The following UNC80 variants were observed in gnomAD, a reference collection of about 807,000 sequenced individuals.
UNC80 encodes unc-80 subunit of NALCN channel complex, also known as protein unc-80 homolog.
In UNC80, 164 loss-of-function variants were observed where a neutral mutation model predicts 384.6. The observed-to-expected ratio is 0.43, with a 90% confidence interval of 0.38 to 0.49. The LOEUF is 0.49. Among genes scored for constraint, UNC80 ranks in the 20% least tolerant of loss-of-function variants. UNC80 has a pLI of 0.00. For missense variants in UNC80, 3,330 were observed against 4,143.0 expected (o/e 0.80, Z 5.39); for synonymous variants, 1,486 against 1,527.8 (o/e 0.97, Z 0.64).
Position 209,777,359 on chromosome 2 carries a change from G to T in UNC80, c.400G>T (p.Gly134Cys), listed in dbSNP as rs764575721. ...GGACTGCAACAATGAGCGGTTTGGG[G>T]GTACAGACCGAGGCTCCAGCTGGGG... ...PQDCNNERFG[G>C]TDRGSSWGGS... The change falls in exon 4 of 65, where the codon GGT becomes TGT. Residue 134 changes from glycine to cysteine, a missense_variant. Gly to Cys is a radical substitution (Grantham distance 159). Around this residue, in one of 8 missense-constraint regions of UNC80, gnomAD observed 937 missense variants for 1,026.8 expected, o/e 0.91. Coordinates refer to ENST00000673920, the MANE Select transcript of UNC80 (RefSeq NM_001371986.1). The T allele has an allele frequency of 1.2e-6, 2 of 1,614,178 alleles. No homozygotes were observed. Among genetic ancestry groups the T allele is most frequent in the East Asian group, 4.5e-5 (2 of 44,870 alleles).
At chr2:209,926,141 A>T (rs1327769000) in intron 35 of UNC80, among the ~76,000 whole-genome samples, 1 of 152,200 alleles carries the variant, frequency 6.6e-6, no homozygotes, top group African/African-American at 2.4e-5. Context: ...TCCTAAATGC[A>T]TGTGTGTTTT....
At chr2:209,994,831 C>G (rs2093456425) in intron 64 of UNC80, among the ~76,000 whole-genome samples, 1 of 152,154 alleles carries the variant, frequency 6.6e-6, no homozygotes, top group Non-Finnish European at 1.5e-5. Context: ...GATAAAGCCT[C>G]TAAATATAGA....
Position 209,786,209 on chromosome 2 carries a change from A to G in UNC80, c.724+20A>G, listed in dbSNP as rs772810441. 7.4e-6 allele frequency: 12 copies of G among 1,611,662 alleles called. No individual in the cohort carries two copies. Among genetic ancestry groups the G allele is most frequent in the Non-Finnish European group, 9.3e-6 (11 of 1,178,728 alleles). ...TTACAGGTTTGTAACTTGGACACTC[A>G]GTAGGACAGTATTAGCAGATTCCCT... On this transcript the variant is annotated intron_variant, in intron 5 of 64. Coordinates refer to ENST00000673920, the MANE Select transcript of UNC80 (RefSeq NM_001371986.1).
intron 21 of UNC80, chr2:209,845,069 C>G (rs12386218): frequency 0.19 from 28,351 of 148,830 alleles, 3,718 homozygotes; most frequent in African/African-American, 0.37. Flanking sequence ...ACTTGTGATG[C>G]GATTTTAATG....
At chr2:209,809,429 G>A in intron 7 of UNC80, 11 of 1,459,854 alleles carry the variant, frequency 7.5e-6, no homozygotes, top group South Asian at 3.4e-5. Context: ...CACTGCAGCC[G>A]TGCCTTCGCC....
chr2:209,808,817 T>G, intron 7 of UNC80: 2 of 350,308 alleles, frequency 5.7e-6, no homozygotes, highest in East Asian at 9.7e-5. Flanking sequence ...CCGCGCTCTT[T>G]CCTCGTCAGG....
intron 47 of UNC80, among the ~76,000 whole-genome samples, chr2:209,952,424 A>C (rs538422493): frequency 6.6e-6 from 1 of 152,292 alleles, no homozygotes; most frequent in South Asian, 2.1e-4. Flanking sequence ...TATTTATTTC[A>C]CACTGCTAGG....
At chr2:209,902,699 A>G (rs2087550700) in intron 28 of UNC80, among the ~76,000 whole-genome samples, 1 of 152,192 alleles carries the variant, frequency 6.6e-6, no homozygotes, top group South Asian at 2.1e-4. Flanking sequence ...TATTTTAGCA[A>G]TAAAGCATTT....
chr2:209,961,835 A>G (rs568600665), intron 51 of UNC80, among the ~76,000 whole-genome samples: 20 of 152,348 alleles, frequency 1.3e-4, no homozygotes, highest in African/African-American at 4.8e-4. Flanking sequence ...AAGGCAGATC[A>G]TAATCAAAAA....
chr2:209,867,267 T>G (rs1372215617), intron 22 of UNC80, among the ~76,000 whole-genome samples: 1 of 152,200 alleles, frequency 6.6e-6, no homozygotes, highest in Non-Finnish European at 1.5e-5. Flanking sequence ...ATTTATTTTA[T>G]CCATCTTCCT....
chr2:209,980,311 ATTTTG>A (rs1279986519), intron 59 of UNC80, among the ~76,000 whole-genome samples: 2 of 152,204 alleles, frequency 1.3e-5, no homozygotes, highest in Non-Finnish European at 2.9e-5. Flanking sequence ...AGCTAAATAT[ATTTTG>A]CAGGTAACCT....
intron 58 of UNC80, 62 bp from the exon 59 acceptor site, chr2:209,978,467 A>G: frequency 1.5e-6 from 2 of 1,377,952 alleles, no homozygotes; most frequent in Non-Finnish European, 2.0e-6. Context: ...GTCAGGGAGG[A>G]CTTTGAAGTG....
In UNC80 at chr2:209,793,839, A is replaced by G; in HGVS notation, c.918A>G (p.Glu306=). The G allele has an allele frequency of 6.2e-7, 1 of 1,614,192 alleles. No homozygotes were observed. The highest frequency in any genetic ancestry group is 1.1e-5 in the South Asian group (1 of 91,082). ...DGSLSSQTSQ[E]RGPSHSRASL... is the part of the protein sequence containing the mutation. Reference sequence around the variant, plus strand: ...GTCTGTCCTCCCAAACTTCCCAGGAAAGAGGCCCATCACATTCCAGGTACC... The same window carrying G: ...GTCTGTCCTCCCAAACTTCCCAGGAGAGAGGCCCATCACATTCCAGGTACC... The change falls in exon 7 of 65, where the codon GAA becomes GAG. Residue 306 remains glutamate, a synonymous_variant. Transcript: ENST00000673920.
At chr2:209,786,900 A>AGTCTT (rs1461125794) in intron 5 of UNC80, among the ~76,000 whole-genome samples, 1 of 150,966 alleles carries the variant, frequency 6.6e-6, no homozygotes, top group Non-Finnish European at 1.5e-5. Context: ...AATAAATTCT[A>AGTCTT]GTCTTCTATT....
Position 209,818,041 on chromosome 2 carries a change from C to T in UNC80, c.1693+89C>T, listed in dbSNP as rs1397642371. 16 of 1,446,802 alleles carry T rather than the reference C, an allele frequency of 1.1e-5. No individual in the cohort carries two copies. In the East Asian group the frequency reaches 1.2e-4, roughly 11 times the overall value. 89.6% of individuals were successfully genotyped at this position (1,446,802 alleles called of 1,614,324 possible). On this transcript the variant is annotated intron_variant, in intron 11 of 64. Coordinates refer to ENST00000673920, the MANE Select transcript of UNC80 (RefSeq NM_001371986.1). Reference sequence around the variant, plus strand: ...ACCATGTTACTTTCCCATTGTAATCCGCTTCCTGTGTTTTCTGAAAACTGG... The same window carrying T: ...ACCATGTTACTTTCCCATTGTAATCTGCTTCCTGTGTTTTCTGAAAACTGG...
At chr2:209,809,166 C>T in intron 7 of UNC80, 1 of 626,962 alleles carries the variant, frequency 1.6e-6, no homozygotes, top group South Asian at 1.8e-5. Context: ...AGGCCGATAC[C>T]ACCTTCCCAG....
At chr2:209,934,315 G>A (rs2091094092) in intron 39 of UNC80, among the ~76,000 whole-genome samples, 1 of 152,166 alleles carries the variant, frequency 6.6e-6, no homozygotes, top group Non-Finnish European at 1.5e-5. Flanking sequence ...AAGCTTGTTT[G>A]AGTGAATTTT....
chr2:209,872,647 A>T lies in UNC80; in HGVS notation c.3628-111A>T, dbSNP rs2084398648. On this transcript the variant is annotated intron_variant, in intron 22 of 64. Coordinates refer to ENST00000673920, the MANE Select transcript of UNC80 (RefSeq NM_001371986.1). The surrounding 1 kb of genome is among the most constrained non-coding windows in gnomAD (Gnocchi z 4.1). ...CTGGGAAATATGGCCAATATAAATCAAAACATGAAGAGGAAAATAAACTAA... is the reference window on the plus strand; with the variant it reads ...CTGGGAAATATGGCCAATATAAATCTAAACATGAAGAGGAAAATAAACTAA... 9.4e-7 allele frequency: 1 copy of T among 1,061,278 alleles called. No individual in the cohort carries two copies. The highest frequency in any genetic ancestry group is 1.6e-5 in the African/African-American group (1 of 63,414). The allele number at this position is 1,061,278 out of a possible 1,614,324, so 65.7% of individuals were successfully genotyped here.
rs540405231 is a variant in UNC80 at position 209,775,575 on chromosome 2, T to C, written c.142-314T>C. The stretch of plus-strand genomic sequence containing the variant: ...CATCCAAAAATCTCATGAGGTTAAA[T>C]GTTTTGTTCCTATTTGTTAGAGGAA... On this transcript the variant is annotated intron_variant, in intron 2 of 64. Transcript: ENST00000673920. Among the ~76,000 whole-genome samples, 3 of 152,318 alleles carry C rather than the reference T, an allele frequency of 2.0e-5. No homozygotes were observed. The South Asian group carries it at 6.2e-4, about 32-fold the overall frequency.
Sources: gnomAD v4.1 joint callset for allele counts (sites outside exome capture counted in the v4.1 genomes callset) on GRCh38, gnomAD v4.1.1 for gene constraint, gnomAD v4.1.1 regional missense constraint, Gnocchi (gnomAD v3.1) non-coding constraint, MANE v1.5 for transcripts, NCBI Gene and HGNC (gene_info 2026-07-23, HGNC 2026-07-21) for gene names.